Variants in RIMS2 observed in about 807,000 individuals in gnomAD.
RIMS2 encodes the protein regulating synaptic membrane exocytosis 2.
Under a neutral mutation model 174.4 loss-of-function variants are expected in RIMS2, and 59 were observed. That is an observed-to-expected ratio of 0.34 (90% CI 0.27 to 0.42). The LOEUF is 0.42. Among genes scored for constraint, RIMS2 ranks in the 10% least tolerant of loss-of-function variants. The probability of loss-of-function intolerance (pLI) is 1.00; values close to 1 mark genes in which losing one functional copy is unlikely to be tolerated. For missense variants in RIMS2, 1,620 were observed against 1,666.3 expected (o/e 0.97, Z 0.48); for synonymous variants, 606 against 572.5 (o/e 1.06, Z -0.84).
intron 3 of RIMS2, among the ~76,000 whole-genome samples, chr8:103,834,317 T>C (rs1430501640): frequency 6.8e-6 from 1 of 146,784 alleles, no homozygotes; most frequent in Non-Finnish European, 1.5e-5. Context: ...TAAAAATCTT[T>C]TCTTTTTTCT....
intron 19 of RIMS2, among the ~76,000 whole-genome samples, chr8:104,047,641 T>C (rs1276392395): frequency 6.6e-6 from 1 of 152,204 alleles, no homozygotes; most frequent in African/African-American, 2.4e-5. Context: ...AATTTTATTT[T>C]TTATAAAAAT....
At chr8:104,209,321 C>T (rs1327024785) in intron 19 of RIMS2, among the ~76,000 whole-genome samples, 9 of 152,208 alleles carry the variant, frequency 5.9e-5, no homozygotes, top group African/African-American at 1.9e-4. Flanking sequence ...TAGACTCTCT[C>T]ATGGATCTTT....
intron 1 of RIMS2, among the ~76,000 whole-genome samples, chr8:103,670,059 C>T (rs2096726132): frequency 6.6e-6 from 1 of 152,254 alleles, no homozygotes; most frequent in African/African-American, 2.4e-5. Context: ...CGTCTCCATA[C>T]ATCCTCTGAA....
intron 19 of RIMS2, among the ~76,000 whole-genome samples, chr8:104,057,960 G>C (rs1162370699): frequency 1.3e-5 from 2 of 152,002 alleles, no homozygotes; most frequent in Admixed American, 1.3e-4. Flanking sequence ...TTTTAATCCA[G>C]TCTATCGTTG....
chr8:103,978,884 G>T (rs1288822632), intron 16 of RIMS2, among the ~76,000 whole-genome samples: 1 of 151,998 alleles, frequency 6.6e-6, no homozygotes, highest in African/African-American at 2.4e-5. Context: ...ATATCTTTTT[G>T]TGTATCTCAG....
intron 4 of RIMS2, among the ~76,000 whole-genome samples, chr8:103,903,670 A>G (rs1427420746): frequency 1.3e-5 from 2 of 152,164 alleles, no homozygotes; most frequent in African/African-American, 2.4e-5. Context: ...TTAATAGAAT[A>G]ACTGAATACC....
At chr8:104,145,719 C>A (rs113290240) in intron 19 of RIMS2, among the ~76,000 whole-genome samples, 3 of 92,778 alleles carry the variant, frequency 3.2e-5, no homozygotes, top group Non-Finnish European at 4.1e-5. Context: ...ATAAATTCGC[C>A]GGACATGGTG....
chr8:104,227,824 T>G (rs1172944711), intron 19 of RIMS2, among the ~76,000 whole-genome samples: 2 of 152,194 alleles, frequency 1.3e-5, no homozygotes, highest in Non-Finnish European at 2.9e-5. Context: ...TCATCTGACT[T>G]CTTTTACATC....
intron 3 of RIMS2, among the ~76,000 whole-genome samples, chr8:103,809,381 A>G (rs2098672093): frequency 3.3e-5 from 5 of 151,882 alleles, no homozygotes. Flanking sequence ...TAACACATAT[A>G]ATTTCTTAGT....
At chr8:103,883,852 G>A (rs955933644) in intron 3 of RIMS2, among the ~76,000 whole-genome samples, 3 of 151,802 alleles carry the variant, frequency 2.0e-5, no homozygotes, top group Admixed American at 6.6e-5. Flanking sequence ...GATGCTGTAG[G>A]TGGTACAGGT....
intron 19 of RIMS2, among the ~76,000 whole-genome samples, chr8:104,116,006 G>T (rs1380643431): frequency 6.6e-6 from 1 of 152,140 alleles, no homozygotes; most frequent in African/African-American, 2.4e-5. Context: ...GATCCTCAAT[G>T]ACAAAAATTG....
chr8:103,636,780 A>T (rs930587518), intron 1 of RIMS2, among the ~76,000 whole-genome samples: 22 of 56,434 alleles, frequency 3.9e-4, no homozygotes, highest in African/African-American at 5.4e-4. Flanking sequence ...TCTATAACCC[A>T]CCCCCGCACC....
At chr8:104,096,338 A>G (rs1314730647) in intron 19 of RIMS2, among the ~76,000 whole-genome samples, 3 of 152,144 alleles carry the variant, frequency 2.0e-5, no homozygotes, top group African/African-American at 4.8e-5. Flanking sequence ...CTATAACCTT[A>G]AGTTTCTGGT....
chr8:103,763,772 G>A (rs561496294), intron 2 of RIMS2, among the ~76,000 whole-genome samples: 1 of 152,252 alleles, frequency 6.6e-6, no homozygotes, highest in South Asian at 2.1e-4. Context: ...TAAGCTGATA[G>A]TGTTTCCAAT....
At chr8:103,561,170 C>T (rs1462475563) in intron 1 of RIMS2, among the ~76,000 whole-genome samples, 1 of 152,010 alleles carries the variant, frequency 6.6e-6, no homozygotes, top group Admixed American at 6.6e-5. Context: ...ATATATATAT[C>T]TTAAGAGATT....
intron 3 of RIMS2, among the ~76,000 whole-genome samples, chr8:103,861,061 ACTT>A (rs2099056200): frequency 2.0e-5 from 3 of 151,986 alleles, no homozygotes; most frequent in Non-Finnish European, 4.4e-5. Flanking sequence ...TGAGGTTTGG[ACTT>A]CTTGCCCATC....
intron 1 of RIMS2, among the ~76,000 whole-genome samples, chr8:103,511,001 C>T (rs1264305585): frequency 2.6e-5 from 4 of 152,032 alleles, no homozygotes; most frequent in Admixed American, 6.6e-5. Context: ...ATTTTGTATT[C>T]AGAGATACAA....
chr8:104,043,820 A>G (rs766130412), intron 19 of RIMS2, among the ~76,000 whole-genome samples: 13 of 151,658 alleles, frequency 8.6e-5, no homozygotes, highest in Non-Finnish European at 1.8e-4. Context: ...ACAAATTTTG[A>G]TGCTAGCATT....
chr8:104,157,696 C>A (rs2098733108), intron 19 of RIMS2, among the ~76,000 whole-genome samples: 1 of 152,138 alleles, frequency 6.6e-6, no homozygotes, highest in African/African-American at 2.4e-5. Context: ...CATGTATACA[C>A]CACATTTTGT....
Sources: gnomAD v4.1 joint callset for allele counts (sites outside exome capture counted in the v4.1 genomes callset) on GRCh38, gnomAD v4.1.1 for gene constraint, MANE v1.5 for transcripts, NCBI Gene and HGNC (gene_info 2026-07-23, HGNC 2026-07-21) for gene names.